Variants in PCBP4 observed in about 807,000 individuals in gnomAD.
PCBP4 encodes the protein poly(rC)-binding protein 4.
PCBP4 carries 24 observed loss-of-function variants against 46.2 expected under a neutral mutation model. That is an observed-to-expected ratio of 0.52 (90% CI 0.38 to 0.73). PCBP4 has a LOEUF of 0.73. PCBP4 is among the 30% of genes least tolerant of loss of function. The probability of loss-of-function intolerance (pLI) is 0.00; values close to 1 mark genes in which losing one functional copy is unlikely to be tolerated. For missense variants in PCBP4, 407 were observed against 537.0 expected (o/e 0.76, Z 2.39); for synonymous variants, 203 against 224.4 (o/e 0.90, Z 0.85).
intron 3 of PCBP4, 44 bp downstream of exon 3, chr3:51,961,116 C>A: frequency 6.2e-7 from 1 of 1,613,856 alleles, no homozygotes; most frequent in Non-Finnish European, 8.5e-7. Context: ...TGAAACCCAG[C>A]CCAGCCCAGC....
chr3:51,960,933 C>T lies in PCBP4; in HGVS notation c.106-35G>A, dbSNP rs2106745086. 6.2e-7 allele frequency: 1 copy of T among 1,614,164 alleles called. No individual in the cohort carries two copies. The highest frequency in any genetic ancestry group is 8.5e-7 in the Non-Finnish European group (1 of 1,180,002). On this transcript the variant is annotated intron_variant, in intron 4 of 13. Transcript: ENST00000461554. The surrounding 1 kb of genome is among the most constrained non-coding windows in gnomAD (Gnocchi z 5.0). The stretch of plus-strand genomic sequence containing the variant: ...GTACAAAACAGATAATCACTCTTAA[C>T]TTAGAGGTCACAGCCTCCTTCCCTG...
Position 51,960,440 on chromosome 3 carries a change from C to G in PCBP4, c.255+86G>C, listed in dbSNP as rs1700094880. The G allele has an allele frequency of 6.4e-7, 1 of 1,551,832 alleles. No homozygotes were observed. Among genetic ancestry groups the G allele is most frequent in the Non-Finnish European group, 8.9e-7 (1 of 1,126,650 alleles). On this transcript the variant is annotated intron_variant, in intron 6 of 13. Coordinates refer to ENST00000461554, the MANE Select transcript of PCBP4 (RefSeq NM_001174100.2). The surrounding 1 kb of genome is among the most constrained non-coding windows in gnomAD (Gnocchi z 5.0). ...AACACTGCCCTGGGCTTGACCTCCC[C>G]TCCCACCCATAGCCACTATCTGGAG...
rs1477302374 is a variant in PCBP4 at position 51,960,027 on chromosome 3, C to T, written c.388-4G>A. ...CCTGTACCTGGGCACCCGTAGTCTG[C>T]AAACAGAGAACAGGGGCCACTTCTG... On this transcript the variant is annotated splice_polypyrimidine_tract_variant and splice_region_variant and intron_variant, in intron 7 of 13. Transcript: ENST00000461554. This position sits in a 1 kb window ranked among gnomAD's most constrained non-coding sequence, Gnocchi z 5.0. 2 of 1,614,242 alleles carry T rather than the reference C, an allele frequency of 1.2e-6. No individual in the cohort carries two copies. The highest frequency in any genetic ancestry group is 4.5e-5 in the East Asian group (2 of 44,888).
Position 51,959,820 on chromosome 3 carries a change from T to C in PCBP4, c.516+75A>G. 1 of 1,547,388 alleles carries C rather than the reference T, an allele frequency of 6.5e-7. No homozygotes were observed. The highest frequency in any genetic ancestry group is 1.2e-5 in the South Asian group (1 of 80,130). On this transcript the variant is annotated intron_variant, in intron 8 of 13. Transcript: ENST00000461554. This position sits in a 1 kb window ranked among gnomAD's most constrained non-coding sequence, Gnocchi z 5.6. The stretch of plus-strand genomic sequence containing the variant: ...CCCTGCCCCACCTGCAGCACAGGCA[T>C]AGGGTTTGGGGTCCCCGACAAGGCA...
At position 51,961,940 on chromosome 3, in the gene PCBP4, C is replaced by T. The variant is rs1228245397; in HGVS notation, c.-65+1G>A. The T allele has an allele frequency of 1.3e-5, 2 of 155,766 alleles. No homozygotes were observed. The highest frequency in any genetic ancestry group is 2.8e-5 in the Non-Finnish European group (2 of 71,266). The allele number at this position is 155,766 out of a possible 1,614,324, so 9.6% of individuals were successfully genotyped here. A position where few individuals can be genotyped will look rare whatever the true frequency, so the allele number is the denominator to read the frequency against. On this transcript the variant is annotated splice_donor_variant, in intron 2 of 13. Coordinates refer to ENST00000461554, the MANE Select transcript of PCBP4 (RefSeq NM_001174100.2). LOFTEE classifies it low-confidence loss of function (5UTR_SPLICE). ...GGGAATTGAGGCACACTCCCACCTA[C>T]CAAAAGTCACTAGGGCAGAAGCTCA...
At chr3:51,963,096 A>G (rs1194423563) in intron 1 of PCBP4, 1 of 152,240 alleles carries the variant, frequency 6.6e-6, no homozygotes, top group African/African-American at 2.4e-5. Flanking sequence ...CCTTCTCCTT[A>G]TGTCCCCAGG....
chr3:51,960,523 G>T lies in PCBP4; in HGVS notation c.255+3C>A. Reference sequence around the variant, plus strand: ...TGGCGTCCTGCCCTGGCCAGCCACGGACCTCATCCAGTTTGAAAGCAATCA... The same window carrying T: ...TGGCGTCCTGCCCTGGCCAGCCACGTACCTCATCCAGTTTGAAAGCAATCA... On this transcript the variant is annotated splice_donor_region_variant and intron_variant, in intron 6 of 13. Coordinates refer to ENST00000461554, the MANE Select transcript of PCBP4 (RefSeq NM_001174100.2). This position sits in a 1 kb window ranked among gnomAD's most constrained non-coding sequence, Gnocchi z 5.0. The T allele has an allele frequency of 6.2e-7, 1 of 1,608,932 alleles. No homozygotes were observed.
At chr3:51,961,372 G>A in intron 2 of PCBP4, 68 bp from the exon 3 acceptor site, 1 of 1,455,586 alleles carries the variant, frequency 6.9e-7, no homozygotes, top group Non-Finnish European at 9.1e-7. Flanking sequence ...CTTACATGGG[G>A]ACCCCAGAGC....
At chr3:51,964,258 G>A (rs1334850647) in intron 1 of PCBP4, among the ~76,000 whole-genome samples, 15 of 152,134 alleles carry the variant, frequency 9.9e-5, no homozygotes, top group Admixed American at 9.8e-4. Flanking sequence ...CTCCCCCCCA[G>A]CTGTCTCTCT....
Position 51,960,673 on chromosome 3 carries a change from G to A in PCBP4, c.139-31C>T, listed in dbSNP as rs752368756. On this transcript the variant is annotated intron_variant, in intron 5 of 13. Coordinates refer to ENST00000461554, the MANE Select transcript of PCBP4 (RefSeq NM_001174100.2). This position sits in a 1 kb window ranked among gnomAD's most constrained non-coding sequence, Gnocchi z 5.0. The stretch of plus-strand genomic sequence containing the variant: ...GATATAGAATGAGCGCCGGGCAGCG[G>A]GGCATCTTCCCTGCTCCCTTGCCGG... 1 of 1,570,222 alleles carries A rather than the reference G, an allele frequency of 6.4e-7. No homozygotes were observed. The highest frequency in any genetic ancestry group is 2.2e-5 in the East Asian group (1 of 44,678).
At position 51,958,389 on chromosome 3, in the gene PCBP4, G is replaced by A. The variant is rs937802982; in HGVS notation, c.924-40C>T. The A allele has an allele frequency of 1.7e-5, 23 of 1,383,788 alleles. No individual in the cohort carries two copies. The highest frequency in any genetic ancestry group is 2.2e-5 in the Non-Finnish European group (23 of 1,047,550). 85.7% of individuals were successfully genotyped at this position (1,383,788 alleles called of 1,614,324 possible). A position where few individuals can be genotyped will look rare whatever the true frequency, so the allele number is the denominator to read the frequency against. Reference sequence around the variant, plus strand: ...ATAGAGGGGAGACAAAGGGGAAAGTGGGAGTGAGAGAGGGGCAATGAGGGC... The same window carrying A: ...ATAGAGGGGAGACAAAGGGGAAAGTAGGAGTGAGAGAGGGGCAATGAGGGC... On this transcript the variant is annotated intron_variant, in intron 13 of 13. Coordinates refer to ENST00000461554, the MANE Select transcript of PCBP4 (RefSeq NM_001174100.2). This position sits in a 1 kb window ranked among gnomAD's most constrained non-coding sequence, Gnocchi z 5.4.
At position 51,959,377 on chromosome 3, in the gene PCBP4, G is replaced by A. The variant is rs763593895; in HGVS notation, c.626C>T (p.Thr209Ile). 1.2e-6 allele frequency: 2 copies of A among 1,612,642 alleles called. No homozygotes were observed. The highest frequency in any genetic ancestry group is 1.7e-6 in the Non-Finnish European group (2 of 1,179,290). Reference sequence around the variant, plus strand: ...CTATGGGTCACTCACCTCAGCTGGGGTCACAGCCCCATACTGACCCTGGAC... The same window carrying A: ...CTATGGGTCACTCACCTCAGCTGGGATCACAGCCCCATACTGACCCTGGAC... ...FSVQGQYGAV[T>I]PAEVTKLQQL... Residue 209 changes from threonine (T) to isoleucine (I), a missense_variant, in exon 10 of 14, where the codon ACC becomes ATC. By Grantham distance (89) the Thr-to-Ile change is moderately conservative (BLOSUM62 -1). Transcript: ENST00000461554. This position sits in a 1 kb window ranked among gnomAD's most constrained non-coding sequence, Gnocchi z 5.6.
At chr3:51,962,180 G>C (rs1217830942) in intron 1 of PCBP4, 92 bp from the exon 2 acceptor site, 2 of 152,172 alleles carry the variant, frequency 1.3e-5, no homozygotes, top group Non-Finnish European at 2.9e-5. Context: ...CTTGGGCTCT[G>C]AGTCTCAATT....
rs1350466752 is a variant in PCBP4 at position 51,957,911 on chromosome 3, C to T, written c.*150G>A. The T allele has an allele frequency of 1.1e-4, 79 of 712,736 alleles. 1 individual carries two copies. In the East Asian group the frequency reaches 2.1e-3, roughly 19 times the overall value. The allele number at this position is 712,736 out of a possible 1,614,324, so 44.2% of individuals were successfully genotyped here. A position where few individuals can be genotyped will look rare whatever the true frequency, so the allele number is the denominator to read the frequency against. ...CCCCCACTCTGAGAGAAAGAACTCC[C>T]ATAGATGGAGGCAGGGTAGGGGGTG... On this transcript the variant is annotated 3_prime_UTR_variant, in exon 14 of 14. Transcript: ENST00000461554.
At position 51,960,098 on chromosome 3, in the gene PCBP4, C is replaced by T. The variant is rs1274639177; in HGVS notation, c.388-75G>A. 3.1e-6 allele frequency: 5 copies of T among 1,614,016 alleles called. No individual in the cohort carries two copies. The highest frequency in any genetic ancestry group is 2.2e-5 in the East Asian group (1 of 44,902). On this transcript the variant is annotated intron_variant, in intron 7 of 13. Coordinates refer to ENST00000461554, the MANE Select transcript of PCBP4 (RefSeq NM_001174100.2). The surrounding 1 kb of genome is among the most constrained non-coding windows in gnomAD (Gnocchi z 5.0). ...AAGGGCTGCCCAGGCTCAGAGCTCTCTAGGTGGGGAGGACGCCATAAGCCC... is the reference window on the plus strand; with the variant it reads ...AAGGGCTGCCCAGGCTCAGAGCTCTTTAGGTGGGGAGGACGCCATAAGCCC...
At chr3:51,964,199 C>T (rs112162140) in intron 1 of PCBP4, among the ~76,000 whole-genome samples, 3 of 152,110 alleles carry the variant, frequency 2.0e-5, no homozygotes, top group Non-Finnish European at 2.9e-5. Flanking sequence ...CTGGAGGAGG[C>T]GGGGGGGTGA....
chr3:51,964,798 G>C lies in PCBP4; in HGVS notation c.-213+2528C>G, dbSNP rs148545090. Among the ~76,000 whole-genome samples the C allele has an allele frequency of 5.8e-3, 881 of 152,252 alleles. 4 individuals carry two copies. The highest frequency in any genetic ancestry group is 8.2e-3 in the Non-Finnish European group (561 of 68,024). ...CTTGGACACATGTGCCCAGCCTCTT[G>C]GCCTCCCAGCCTCCCGGGATAGCCA... On this transcript the variant is annotated intron_variant, in intron 1 of 13. Coordinates refer to ENST00000461554, the MANE Select transcript of PCBP4 (RefSeq NM_001174100.2).
rs774944291 is a variant in PCBP4, at chr3:51,960,665, G to A, written c.139-23C>T. The A allele has an allele frequency of 1.7e-5, 27 of 1,575,026 alleles. No individual in the cohort carries two copies. Among genetic ancestry groups the A allele is most frequent in the Admixed American group, 1.0e-4 (6 of 59,958 alleles). On this transcript the variant is annotated intron_variant, in intron 5 of 13. Coordinates refer to ENST00000461554, the MANE Select transcript of PCBP4 (RefSeq NM_001174100.2). The surrounding 1 kb of genome is among the most constrained non-coding windows in gnomAD (Gnocchi z 5.0). ...GCTCTGCAGATATAGAATGAGCGCC[G>A]GGCAGCGGGGCATCTTCCCTGCTCC...
At position 51,958,482 on chromosome 3, in the gene PCBP4, T is replaced by G. The variant is rs1699940764; in HGVS notation, c.924-133A>C. 1.1e-5 allele frequency: 7 copies of G among 654,410 alleles called. No individual in the cohort carries two copies. The highest frequency in any genetic ancestry group is 3.4e-5 in the Admixed American group (1 of 29,780). The allele number at this position is 654,410 out of a possible 1,614,324, so 40.5% of individuals were successfully genotyped here. ...TGAACAGAGAACAATAAGGGGAAGATGGGAAAGGTGGAAGAGGAAGGGAAG... is the reference window on the plus strand; with the variant it reads ...TGAACAGAGAACAATAAGGGGAAGAGGGGAAAGGTGGAAGAGGAAGGGAAG... On this transcript the variant is annotated intron_variant, in intron 13 of 13. Coordinates refer to ENST00000461554, the MANE Select transcript of PCBP4 (RefSeq NM_001174100.2). This position sits in a 1 kb window ranked among gnomAD's most constrained non-coding sequence, Gnocchi z 5.4.
Sources: allele counts gnomAD v4.1 joint callset (sites outside exome capture counted in the v4.1 genomes callset), GRCh38; gene constraint gnomAD v4.1.1; non-coding constraint Gnocchi (gnomAD v3.1); transcripts MANE v1.5; gene names NCBI Gene and HGNC (gene_info 2026-07-23, HGNC 2026-07-21).